LTBP1: variants seen among roughly 807,000 people sequenced by gnomAD.
LTBP1 encodes the protein latent-transforming growth factor beta-binding protein 1.
Under a neutral mutation model 207.6 loss-of-function variants are expected in LTBP1, and 129 were observed. The observed-to-expected ratio is 0.62, with a 90% CI of 0.54 to 0.72. LTBP1 has a LOEUF of 0.72. LTBP1 is among the 30% of genes least tolerant of loss of function. The probability of loss-of-function intolerance (pLI) is 0.00; values close to 1 mark genes in which losing one functional copy is unlikely to be tolerated. For synonymous variants in LTBP1, 963 were observed against 833.7 expected (o/e 1.16, Z -2.67); for missense variants, 2,281 against 2,217.2 (o/e 1.03, Z -0.58).
intron 4 of LTBP1, among the ~76,000 whole-genome samples, chr2:33,128,651 C>T (rs780816121): frequency 2.0e-4 from 31 of 152,182 alleles, no homozygotes; most frequent in Admixed American, 1.6e-3. Context: ...CTGTGATGCC[C>T]TTCACTCTCT....
At chr2:33,185,559 A>G (rs987602068) in intron 5 of LTBP1, among the ~76,000 whole-genome samples, 1 of 152,194 alleles carries the variant, frequency 6.6e-6, no homozygotes, top group Non-Finnish European at 1.5e-5. Flanking sequence ...CCAAACCTTA[A>G]CACACATCAG....
chr2:33,243,399 T>C (rs1367430786), intron 9 of LTBP1, among the ~76,000 whole-genome samples: 1 of 152,206 alleles, frequency 6.6e-6, no homozygotes, highest in Non-Finnish European at 1.5e-5. Flanking sequence ...AAAAGCTCTG[T>C]GAAGGCCAGA....
intron 3 of LTBP1, among the ~76,000 whole-genome samples, chr2:33,087,480 A>G (rs555222418): frequency 6.6e-6 from 1 of 152,334 alleles, no homozygotes; most frequent in East Asian, 1.9e-4. Flanking sequence ...TAGGTTATAC[A>G]TTCTACTTTA....
chr2:32,979,457 G>A (rs754279625), intron 2 of LTBP1, among the ~76,000 whole-genome samples: 8 of 151,944 alleles, frequency 5.3e-5, no homozygotes, highest in African/African-American at 1.4e-4. Flanking sequence ...CCCTCTGATC[G>A]TTCAGGAGCA....
intron 3 of LTBP1, among the ~76,000 whole-genome samples, chr2:33,049,779 G>C (rs1373813580): frequency 6.6e-6 from 1 of 152,044 alleles, no homozygotes. Flanking sequence ...CTCTAATCCT[G>C]GTATAGAACA....
chr2:33,158,137 C>CAA (rs1160108504), intron 5 of LTBP1, among the ~76,000 whole-genome samples: 242 of 46,524 alleles, frequency 5.2e-3, no homozygotes, highest in Middle Eastern at 0.029. Context: ...ACTCTTGTCT[C>CAA]AAAAAAAAAA....
At chr2:33,026,417 C>G (rs1340035313) in intron 3 of LTBP1, among the ~76,000 whole-genome samples, 2 of 152,084 alleles carry the variant, frequency 1.3e-5, no homozygotes, top group Non-Finnish European at 1.5e-5. Flanking sequence ...AGAGTTTTGC[C>G]TAGAGAAAAT....
At chr2:33,106,939 A>G (rs886264980) in intron 3 of LTBP1, among the ~76,000 whole-genome samples, 2 of 152,178 alleles carry the variant, frequency 1.3e-5, no homozygotes, top group Admixed American at 6.5e-5. Context: ...GTTCAGCCCT[A>G]CTTCTCATTT....
rs1173100850 is a variant in LTBP1 at position 33,257,552 on chromosome 2, G to A, written c.2395+41G>A. Reference sequence around the variant, plus strand: ...GATCATGGACTCTAGACATCTATCTGTGTGTCTTTGCTTTGATTTCCCTGT... The same window carrying A: ...GATCATGGACTCTAGACATCTATCTATGTGTCTTTGCTTTGATTTCCCTGT... On this transcript the variant is annotated intron_variant, in intron 12 of 33. Transcript: ENST00000404816. 1.7e-5 allele frequency: 26 copies of A among 1,510,600 alleles called. No individual in the cohort carries two copies. The Admixed American group carries it at 4.0e-4, about 23-fold the overall frequency. 93.6% of individuals were successfully genotyped at this position (1,510,600 alleles called of 1,614,324 possible). A position where few individuals can be genotyped will look rare whatever the true frequency, so the allele number is the denominator to read the frequency against.
At chr2:33,390,625 C>G (rs2095307103) in intron 32 of LTBP1, among the ~76,000 whole-genome samples, 1 of 151,986 alleles carries the variant, frequency 6.6e-6, no homozygotes, top group African/African-American at 2.4e-5. Context: ...GAAGCTGGGA[C>G]TACAGGCACG....
intron 31 of LTBP1, among the ~76,000 whole-genome samples, chr2:33,386,245 T>A (rs989059308): frequency 6.6e-6 from 1 of 152,256 alleles, no homozygotes; most frequent in Non-Finnish European, 1.5e-5. Context: ...CAGGGAGCTG[T>A]TCCTAAACAT....
At chr2:32,961,284 A>G (rs1436014611) in intron 2 of LTBP1, among the ~76,000 whole-genome samples, 1 of 152,222 alleles carries the variant, frequency 6.6e-6, no homozygotes, top group Non-Finnish European at 1.5e-5. Flanking sequence ...TGGAAAGGCA[A>G]GACCCTCAGC....
chr2:32,974,216 A>G lies in LTBP1; in HGVS notation c.565+25271A>G, dbSNP rs148667277. Among the ~76,000 whole-genome samples the G allele has an allele frequency of 1.6e-3, 250 of 152,340 alleles. 2 individuals are homozygous for G. Among genetic ancestry groups the G allele is most frequent in the African/African-American group, 5.7e-3 (238 of 41,594 alleles). ...TGTTGTGCTAATTTACATTCCATGA[A>G]CAGCGTATGAAGGTTCCCTTTTCTC... On this transcript the variant is annotated intron_variant, in intron 2 of 33. Coordinates refer to ENST00000404816, the MANE Select transcript of LTBP1 (RefSeq NM_206943.4).
At chr2:33,190,886 T>G (rs937916355) in intron 7 of LTBP1, among the ~76,000 whole-genome samples, 2 of 152,152 alleles carry the variant, frequency 1.3e-5, no homozygotes, top group Non-Finnish European at 2.9e-5. Flanking sequence ...GTTTTGCAAA[T>G]GCTTTTGGGA....
At chr2:33,341,430 G>A (rs906608797) in intron 24 of LTBP1, among the ~76,000 whole-genome samples, 2 of 151,796 alleles carry the variant, frequency 1.3e-5, no homozygotes, top group African/African-American at 4.8e-5. Context: ...GAGAAAATGC[G>A]GCCAGGTGCG....
chr2:33,109,737 C>T (rs371889250), intron 3 of LTBP1, among the ~76,000 whole-genome samples: 8 of 152,232 alleles, frequency 5.3e-5, no homozygotes, highest in African/African-American at 9.6e-5. Context: ...TTCCCTAAAG[C>T]GGCATCGTAA....
At chr2:33,048,153 A>G (rs1318757324) in intron 3 of LTBP1, among the ~76,000 whole-genome samples, 1 of 152,196 alleles carries the variant, frequency 6.6e-6, no homozygotes, top group Non-Finnish European at 1.5e-5. Flanking sequence ...TGTTGTAAGG[A>G]TAAGAATAAA....
At chr2:33,360,096 G>C (rs1363086506) in intron 26 of LTBP1, among the ~76,000 whole-genome samples, 3 of 152,158 alleles carry the variant, frequency 2.0e-5, no homozygotes. Flanking sequence ...TATTTAATAG[G>C]CTGCAGGTTA....
At chr2:33,275,206 A>G (rs968016942) in intron 17 of LTBP1, 116 bp downstream of exon 17, 3 of 1,224,400 alleles carry the variant, frequency 2.5e-6, no homozygotes, top group Non-Finnish European at 3.4e-6. Flanking sequence ...TTAAACAATT[A>G]TCATGACAGC....
Sources: allele counts gnomAD v4.1 joint callset (sites outside exome capture counted in the v4.1 genomes callset), GRCh38; gene constraint gnomAD v4.1.1; transcripts MANE v1.5; gene names NCBI Gene and HGNC (gene_info 2026-07-23, HGNC 2026-07-21).